Variants in EHBP1 observed in about 807,000 individuals in gnomAD.
EHBP1 encodes the protein EH domain binding protein 1.
In EHBP1, 55 loss-of-function variants were observed where a neutral mutation model predicts 144.0. That is an observed-to-expected ratio of 0.38 (90% CI 0.31 to 0.48). The LOEUF is 0.48. EHBP1 is among the 20% of genes least tolerant of loss of function. The pLI, the probability that EHBP1 is intolerant of heterozygous loss-of-function variation, is 0.98. For synonymous variants in EHBP1, 469 were observed against 472.7 expected (o/e 0.99, Z 0.10); for missense variants, 1,200 against 1,364.2 (o/e 0.88, Z 1.90).
At chr2:63,016,037 A>G (rs1425270887) in intron 19 of EHBP1, among the ~76,000 whole-genome samples, 3 of 152,200 alleles carry the variant, frequency 2.0e-5, no homozygotes, top group South Asian at 2.1e-4. Context: ...CTGAAGTAGT[A>G]TAGAGTTACC....
intron 7 of EHBP1, among the ~76,000 whole-genome samples, chr2:62,858,121 G>T (rs1158385377): frequency 6.6e-6 from 1 of 152,080 alleles, no homozygotes. Flanking sequence ...GTGAAAACCA[G>T]TGTCAACTTC....
chr2:62,882,681 G>C (rs951193725), intron 10 of EHBP1, among the ~76,000 whole-genome samples: 4 of 152,156 alleles, frequency 2.6e-5, no homozygotes, highest in African/African-American at 9.7e-5. Context: ...TCAGGAGTTT[G>C]AGACCAGCCT....
chr2:62,708,697 G>A (rs1363703856), intron 2 of EHBP1, among the ~76,000 whole-genome samples: 2 of 152,290 alleles, frequency 1.3e-5, no homozygotes, highest in Admixed American at 1.3e-4. Context: ...AAGGGTAGAG[G>A]ATGAGTTGTT....
At chr2:62,889,909 T>C (rs1414151875) in intron 10 of EHBP1, among the ~76,000 whole-genome samples, 2 of 152,060 alleles carry the variant, frequency 1.3e-5, no homozygotes, top group Non-Finnish European at 2.9e-5. Context: ...TTCTTTTTGC[T>C]TAGGATTGCC....
chr2:62,971,569 G>C (rs975953219), intron 14 of EHBP1, among the ~76,000 whole-genome samples: 1 of 152,114 alleles, frequency 6.6e-6, no homozygotes, highest in African/African-American at 2.4e-5. Flanking sequence ...GTAATAGATA[G>C]GGCCAGTGCT....
intron 10 of EHBP1, among the ~76,000 whole-genome samples, chr2:62,936,418 T>A (rs1388566835): frequency 6.6e-6 from 1 of 152,200 alleles, no homozygotes; most frequent in African/African-American, 2.4e-5. Flanking sequence ...CAATTTTGGC[T>A]TTGCTGATCC....
intron 10 of EHBP1, among the ~76,000 whole-genome samples, chr2:62,901,702 C>T (rs768111329): frequency 7.2e-5 from 11 of 151,736 alleles, no homozygotes; most frequent in African/African-American, 9.7e-5. Context: ...CAGTGGCTCA[C>T]ACCTATAATC....
At chr2:62,816,312 A>G (rs941376281) in intron 5 of EHBP1, among the ~76,000 whole-genome samples, 2 of 152,374 alleles carry the variant, frequency 1.3e-5, no homozygotes, top group East Asian at 3.9e-4. Context: ...TATTTTCTAT[A>G]GAAAGTATAT....
chr2:62,836,009 C>T (rs2047210282), intron 7 of EHBP1, among the ~76,000 whole-genome samples: 1 of 152,054 alleles, frequency 6.6e-6, no homozygotes, highest in Non-Finnish European at 1.5e-5. Context: ...GGAGGCCTGC[C>T]TGCCTCTGTA....
At chr2:62,940,025 T>A in intron 10 of EHBP1, 1 of 356,638 alleles carries the variant, frequency 2.8e-6, no homozygotes. Flanking sequence ...TAAAAATCCC[T>A]GAAGAAGTGT....
At chr2:62,990,223 A>G (rs900696365) in intron 15 of EHBP1, among the ~76,000 whole-genome samples, 1 of 152,192 alleles carries the variant, frequency 6.6e-6, no homozygotes, top group African/African-American at 2.4e-5. Flanking sequence ...AGGTACATAT[A>G]TAAACACTGG....
At chr2:62,707,382 C>A in intron 2 of EHBP1, 87 bp downstream of exon 2, 1 of 980,770 alleles carries the variant, frequency 1.0e-6, no homozygotes, top group Non-Finnish European at 1.6e-6. Flanking sequence ...AGTATATTTA[C>A]CTTTCTATAG....
chr2:62,836,409 A>C (rs1270324162), intron 7 of EHBP1, among the ~76,000 whole-genome samples: 31 of 135,538 alleles, frequency 2.3e-4, no homozygotes, highest in African/African-American at 8.3e-4. Flanking sequence ...GAACAGAAAA[A>C]CTGGAAACTC....
At chr2:62,995,442 AT>A (rs2059592323) in intron 18 of EHBP1, among the ~76,000 whole-genome samples, 1 of 152,120 alleles carries the variant, frequency 6.6e-6, no homozygotes, top group Non-Finnish European at 1.5e-5. Flanking sequence ...AGTTAGACAT[AT>A]TTATTAATCA....
intron 7 of EHBP1, chr2:62,858,429 C>T (rs553024106): frequency 1.2e-6 from 2 of 1,608,248 alleles, no homozygotes; most frequent in African/African-American, 2.7e-5. Context: ...GTTGAATGCT[C>T]TGAGCAGCTT....
chr2:62,991,297 A>C, intron 16 of EHBP1, among the ~76,000 whole-genome samples: 1 of 152,124 alleles, frequency 6.6e-6, no homozygotes. Context: ...AATAGCCAAT[A>C]AGTAAATATC....
At chr2:62,764,439 G>A (rs2041013539) in intron 4 of EHBP1, 78 bp downstream of exon 4, 1 of 1,161,158 alleles carries the variant, frequency 8.6e-7, no homozygotes, top group Non-Finnish European at 1.2e-6. Context: ...AGTGTTCATT[G>A]TTCTATACAT....
At chr2:62,908,429 C>T (rs2053962489) in intron 10 of EHBP1, among the ~76,000 whole-genome samples, 1 of 151,804 alleles carries the variant, frequency 6.6e-6, no homozygotes, top group Admixed American at 6.6e-5. Context: ...TTTTTTTTCT[C>T]TATTTTTTTC....
At chr2:62,951,309 A>G (rs1172623713) in intron 13 of EHBP1, among the ~76,000 whole-genome samples, 1 of 152,160 alleles carries the variant, frequency 6.6e-6, no homozygotes, top group Non-Finnish European at 1.5e-5. Context: ...AAGAATTTAT[A>G]TCTTAGAATT....
Sources: allele counts gnomAD v4.1 joint callset (sites outside exome capture counted in the v4.1 genomes callset), GRCh38; gene constraint gnomAD v4.1.1; transcripts MANE v1.5; gene names NCBI Gene and HGNC (gene_info 2026-07-23, HGNC 2026-07-21).